Variants in CDH13 observed in about 807,000 individuals in gnomAD.
CDH13 encodes the protein cadherin-13.
Under a neutral mutation model 63.8 loss-of-function variants are expected in CDH13, and 24 were observed. The observed-to-expected ratio is 0.38, with a 90% confidence interval of 0.27 to 0.53. The LOEUF is 0.53. CDH13 is among the 20% of genes least tolerant of loss of function. The pLI, the probability that CDH13 is intolerant of heterozygous loss-of-function variation, is 0.85. For synonymous variants in CDH13, 503 were observed against 355.3 expected, an observed-to-expected ratio of 1.42 and a Z score of -4.67; for missense variants, 1,049 against 903.1, an observed-to-expected ratio of 1.16 and a Z score of -2.07.
chr16:83,154,470 G>C (rs972933819), intron 4 of CDH13, among the ~76,000 whole-genome samples: 1 of 151,920 alleles, frequency 6.6e-6, no homozygotes, highest in Non-Finnish European at 1.5e-5. Context: ...TGGAGGCTGA[G>C]GCAGGAGAAT....
chr16:83,006,920 G>GTTTTTTTTTTTTTTT (rs1388258642), intron 2 of CDH13, among the ~76,000 whole-genome samples: 2 of 125,612 alleles, frequency 1.6e-5, no homozygotes, highest in Non-Finnish European at 3.6e-5. Flanking sequence ...TTGTTTGTTT[G>GTTTTTTTTTTTTTTT]TTTGTTTGTT....
intron 2 of CDH13, among the ~76,000 whole-genome samples, chr16:82,869,834 A>G (rs2040283022): frequency 6.6e-6 from 1 of 152,202 alleles, no homozygotes; most frequent in South Asian, 2.1e-4. Context: ...GCAAATCAAA[A>G]TGAATTAAAG....
intron 7 of CDH13, among the ~76,000 whole-genome samples, chr16:83,519,602 A>G (rs1369018823): frequency 6.6e-6 from 1 of 152,238 alleles, no homozygotes; most frequent in Admixed American, 6.5e-5. Flanking sequence ...AAGTCAGAGA[A>G]GTTGCCTAGG....
chr16:83,524,024 C>T (rs4380043), intron 7 of CDH13, among the ~76,000 whole-genome samples: 26,057 of 152,146 alleles, frequency 0.17, 2,581 homozygotes, highest in Middle Eastern at 0.27. Context: ...CTCTTAATCA[C>T]TTACCCTGCA....
At chr16:83,728,475 A>G (rs1401976434) in intron 10 of CDH13, among the ~76,000 whole-genome samples, 1 of 152,132 alleles carries the variant, frequency 6.6e-6, no homozygotes, top group Non-Finnish European at 1.5e-5. Flanking sequence ...TAGTGAGTGA[A>G]TTAGGCTTGA....
At chr16:82,965,699 GC>G (rs1378098079) in intron 2 of CDH13, among the ~76,000 whole-genome samples, 1 of 152,134 alleles carries the variant, frequency 6.6e-6, no homozygotes, top group East Asian at 1.9e-4. Flanking sequence ...CACCGTGTTG[GC>G]CAGGCTGGTC....
intron 6 of CDH13, among the ~76,000 whole-genome samples, chr16:83,370,046 G>C (rs555844683): frequency 3.2e-4 from 49 of 152,268 alleles, no homozygotes; most frequent in African/African-American, 1.1e-3. Context: ...GTATTTACCT[G>C]TATCTCCAAT....
intron 7 of CDH13, among the ~76,000 whole-genome samples, chr16:83,556,995 G>A (rs1424310465): frequency 3.3e-5 from 5 of 152,204 alleles, no homozygotes; most frequent in Non-Finnish European, 7.3e-5. Context: ...GTAGGAACCA[G>A]GCCCCACAGC....
intron 6 of CDH13, among the ~76,000 whole-genome samples, chr16:83,350,287 ACGG>A (rs2090926474): frequency 6.6e-6 from 1 of 152,232 alleles, no homozygotes; most frequent in Non-Finnish European, 1.5e-5. Flanking sequence ...CCCACCCTGG[ACGG>A]GTGGGGCAGC....
intron 3 of CDH13, among the ~76,000 whole-genome samples, chr16:83,104,755 T>C (rs73600138): frequency 0.048 from 7,266 of 152,250 alleles, 583 homozygotes; most frequent in African/African-American, 0.16. Flanking sequence ...TTGACTTTGG[T>C]GGTTAGTGTG....
intron 1 of CDH13, among the ~76,000 whole-genome samples, chr16:82,670,825 C>T (rs578080901): frequency 1.5e-4 from 23 of 152,260 alleles, no homozygotes; most frequent in African/African-American, 5.3e-4. Flanking sequence ...GAACATCTGG[C>T]CCTAATATGT....
intron 5 of CDH13, among the ~76,000 whole-genome samples, chr16:83,219,724 T>C (rs1387589089): frequency 1.3e-5 from 2 of 152,244 alleles, no homozygotes; most frequent in Non-Finnish European, 2.9e-5. Context: ...TGTCATAGCA[T>C]ATGGATTGAT....
Position 83,582,964 on chromosome 16 carries a change from C to A in CDH13, c.961-19490C>A, listed in dbSNP as rs570832348. On this transcript the variant is annotated intron_variant, in intron 7 of 13. Transcript: ENST00000567109. ...AAATCACCACCAACTAGAGGGCAAA[C>A]AACAACTGAAATTTATTCAGTTTAT... Among the ~76,000 whole-genome samples the A allele has an allele frequency of 2.6e-5, 4 of 152,284 alleles. No individual in the cohort carries two copies. In the South Asian group the frequency reaches 8.3e-4, roughly 32 times the overall value.
rs549097583 is a variant in CDH13 at position 82,686,815 on chromosome 16, C to T, written c.45+59678C>T. Among the ~76,000 whole-genome samples the T allele has an allele frequency of 2.6e-5, 4 of 152,206 alleles. No homozygotes were observed. The South Asian group carries it at 6.2e-4, about 24-fold the overall frequency. ...GTAATCATTTTGGGTATTATCAATACCCATGGCCATAACACCCCCACCATG... is the reference window on the plus strand; with the variant it reads ...GTAATCATTTTGGGTATTATCAATATCCATGGCCATAACACCCCCACCATG... On this transcript the variant is annotated intron_variant, in intron 1 of 13. Coordinates refer to ENST00000567109, the MANE Select transcript of CDH13 (RefSeq NM_001257.5).
intron 2 of CDH13, among the ~76,000 whole-genome samples, chr16:82,945,821 G>C (rs1904650318): frequency 6.6e-6 from 1 of 152,152 alleles, no homozygotes; most frequent in South Asian, 2.1e-4. Flanking sequence ...CACATGGAGA[G>C]GCACCGTGTT....
At chr16:83,236,971 C>G (rs190981493) in intron 5 of CDH13, among the ~76,000 whole-genome samples, 122 of 152,012 alleles carry the variant, frequency 8.0e-4, no homozygotes, top group African/African-American at 2.6e-3. Context: ...TTTTAAAAAT[C>G]ACAGTGCACA....
intron 7 of CDH13, among the ~76,000 whole-genome samples, chr16:83,588,235 G>A (rs1194008794): frequency 6.6e-6 from 1 of 152,128 alleles, no homozygotes; most frequent in East Asian, 1.9e-4. Flanking sequence ...ACCCTGCCAC[G>A]CCCCGCAAAA....
intron 12 of CDH13, among the ~76,000 whole-genome samples, 198 bp downstream of exon 12, chr16:83,780,399 C>T (rs1244418771): frequency 1.3e-5 from 2 of 152,204 alleles, no homozygotes; most frequent in Admixed American, 1.3e-4. Flanking sequence ...CTGTTTCAAA[C>T]ACAGACATTT....
chr16:83,162,722 C>A (rs2037500157), intron 4 of CDH13, among the ~76,000 whole-genome samples: 1 of 152,124 alleles, frequency 6.6e-6, no homozygotes, highest in Non-Finnish European at 1.5e-5. Flanking sequence ...CTCTGACACA[C>A]ATACACACAG....
Sources: gnomAD v4.1 joint callset for allele counts (sites outside exome capture counted in the v4.1 genomes callset) on GRCh38, gnomAD v4.1.1 for gene constraint, MANE v1.5 for transcripts, NCBI Gene and HGNC (gene_info 2026-07-23, HGNC 2026-07-21) for gene names.